Variants in NHSL2 observed in about 807,000 individuals in gnomAD.
NHSL2 encodes the protein NHS-like protein 2.
In NHSL2, 27 loss-of-function variants were observed where a neutral mutation model predicts 53.4. The observed-to-expected ratio is 0.51, with a 90% CI of 0.37 to 0.70. The LOEUF is 0.70. NHSL2 is among the 30% of genes least tolerant of loss of function. The pLI is 0.00. For synonymous variants in NHSL2, 408 were observed against 404.1 expected (o/e 1.01, Z -0.12); for missense variants, 892 against 980.1 (o/e 0.91, Z 1.20).
chrX:72,013,875 C>A (rs1479711778), intron 1 of NHSL2, among the ~76,000 whole-genome samples: 1 of 111,410 alleles, frequency 9.0e-6, no homozygotes, highest in Non-Finnish European at 1.9e-5. Flanking sequence ...TAGTTTGTTA[C>A]ACTGATTGTG....
At chrX:72,118,133 A>C (rs1175885647) in intron 1 of NHSL2, among the ~76,000 whole-genome samples, 1 of 111,606 alleles carries the variant, frequency 9.0e-6, no homozygotes, top group South Asian at 3.7e-4. Context: ...ATCCGCACCA[A>C]CATTTGTTTG....
chrX:72,113,324 G>A (rs980061829), intron 1 of NHSL2, among the ~76,000 whole-genome samples: 3 of 111,274 alleles, frequency 2.7e-5, no homozygotes, highest in Admixed American at 9.5e-5. Flanking sequence ...GCCACCTGCC[G>A]TGAGGGGTGC....
intron 1 of NHSL2, among the ~76,000 whole-genome samples, chrX:72,063,820 G>A (rs1219899601): frequency 1.8e-5 from 2 of 110,259 alleles, no homozygotes; most frequent in Non-Finnish European, 3.8e-5. Context: ...GCATTTGGGG[G>A]AATACTGTAC....
intron 1 of NHSL2, among the ~76,000 whole-genome samples, chrX:72,103,062 G>A (rs2042009428): frequency 8.9e-6 from 1 of 112,209 alleles, no homozygotes; most frequent in East Asian, 2.8e-4. Context: ...AAGGGTCCTA[G>A]GCCAGCAGAC....
At chrX:72,038,066 A>G (rs1403711075) in intron 1 of NHSL2, among the ~76,000 whole-genome samples, 1 of 112,267 alleles carries the variant, frequency 8.9e-6, no homozygotes, top group Non-Finnish European at 1.9e-5. Flanking sequence ...GGTGCAAGGT[A>G]TGAGAGTGGG....
intron 1 of NHSL2, among the ~76,000 whole-genome samples, chrX:72,066,832 A>T (rs190594855): frequency 8.9e-6 from 1 of 111,745 alleles, no homozygotes; most frequent in East Asian, 2.8e-4. Context: ...AATGATGGTT[A>T]AAAAAACTGC....
chrX:71,933,535 CA>C (rs2041723702), intron 1 of NHSL2, among the ~76,000 whole-genome samples: 1 of 111,472 alleles, frequency 9.0e-6, no homozygotes, highest in South Asian at 3.7e-4. Context: ...TAGTGAAAGA[CA>C]TAGGTTGGGG....
chrX:72,067,243 G>A (rs2042436130), intron 1 of NHSL2, among the ~76,000 whole-genome samples: 1 of 111,554 alleles, frequency 9.0e-6, no homozygotes, highest in Non-Finnish European at 1.9e-5. Context: ...GTGTGTCCAG[G>A]TTGTGATCAT....
At position 72,005,781 on chromosome X, in the gene NHSL2, T is replaced by C. The variant is rs150897278; in HGVS notation, c.280+94414T>C. On this transcript the variant is annotated intron_variant, in intron 1 of 7. Coordinates refer to ENST00000633930, the MANE Select transcript of NHSL2 (RefSeq NM_001013627.3). ...AAGCCCATAATGTAGCTGAGTTACA[T>C]GGTTCTACCAGACTGGGTTAGTGCT... Among the ~76,000 whole-genome samples the C allele has an allele frequency of 8.4e-3, 941 of 112,070 alleles. 8 individuals carry two copies. Among genetic ancestry groups the C allele is most frequent in the African/African-American group, 0.029 (894 of 30,802 alleles).
At position 72,149,293 on chromosome X, in the gene NHSL2, T is replaced by C. The variant is rs1013942758; in HGVS notation, c.*5719T>C. 2 of 111,424 alleles carry C rather than the reference T, an allele frequency of 1.8e-5. No individual in the cohort carries two copies. Among genetic ancestry groups the C allele is most frequent in the African/African-American group, 6.5e-5 (2 of 30,606 alleles). The allele number at this position is 111,424 out of a possible 1,213,427, so 9.2% of individuals were successfully genotyped here. The stretch of plus-strand genomic sequence containing the variant: ...GGTATTGCCAGCTCTTAAATACCTG[T>C]CTTTACCGTGGTGGCTGTTCTCCAG... On this transcript the variant is annotated 3_prime_UTR_variant, in exon 8 of 8. Transcript: ENST00000633930.
intron 1 of NHSL2, among the ~76,000 whole-genome samples, chrX:72,025,337 C>T (rs1286716722): frequency 2.7e-5 from 3 of 112,721 alleles, no homozygotes; most frequent in Non-Finnish European, 5.6e-5. Flanking sequence ...AAGGGGTCCA[C>T]GCCATGGCCT....
intron 1 of NHSL2, among the ~76,000 whole-genome samples, chrX:72,028,372 C>G (rs777081218): frequency 8.9e-6 from 1 of 112,247 alleles, no homozygotes; most frequent in African/African-American, 3.2e-5. Context: ...AAGGAGAGCT[C>G]GAGATTTCTG....
chrX:71,988,010 G>A (rs770479608), intron 1 of NHSL2, among the ~76,000 whole-genome samples: 1 of 112,591 alleles, frequency 8.9e-6, no homozygotes. Flanking sequence ...GTACTGCCAC[G>A]TGGTTACAAG....
At chrX:71,987,436 G>A (rs757253197) in intron 1 of NHSL2, among the ~76,000 whole-genome samples, 28 of 111,470 alleles carry the variant, frequency 2.5e-4, no homozygotes, top group Middle Eastern at 4.7e-3. Flanking sequence ...GCCTTATCTA[G>A]AATCTAATGC....
chrX:71,977,772 G>A (rs781482675), intron 1 of NHSL2, among the ~76,000 whole-genome samples: 3 of 112,004 alleles, frequency 2.7e-5, no homozygotes, highest in Non-Finnish European at 5.6e-5. Context: ...CCTTCTATTT[G>A]TAGACATTTA....
chrX:72,085,372 C>A (rs747204334), intron 1 of NHSL2, among the ~76,000 whole-genome samples: 17 of 112,438 alleles, frequency 1.5e-4, no homozygotes, highest in South Asian at 3.7e-4. Context: ...TTAACCTGCC[C>A]GGTATGCTTT....
chrX:72,086,708 A>AG (rs2041849589), intron 1 of NHSL2, among the ~76,000 whole-genome samples: 1 of 100,837 alleles, frequency 9.9e-6, no homozygotes, highest in African/African-American at 3.7e-5. Context: ...AAAAAAAAAA[A>AG]GCAAGGTAAA....
At position 71,913,567 on chromosome X, in the gene NHSL2, G is replaced by A. The variant is rs144972232; in HGVS notation, c.280+2200G>A. Among the ~76,000 whole-genome samples, 512 of 112,350 alleles carry A rather than the reference G, an allele frequency of 4.6e-3. 2 individuals carry two copies. Among genetic ancestry groups the A allele is most frequent in the African/African-American group, 0.016 (497 of 30,931 alleles). ...TCCCTTACTGACCATTTTGCTGGGG[G>A]TCAGCATTTTACCCTGCATATCCTC... On this transcript the variant is annotated intron_variant, in intron 1 of 7. Coordinates refer to ENST00000633930, the MANE Select transcript of NHSL2 (RefSeq NM_001013627.3).
intron 1 of NHSL2, among the ~76,000 whole-genome samples, chrX:72,014,744 T>C (rs1406181861): frequency 1.8e-5 from 2 of 111,245 alleles, no homozygotes; most frequent in Non-Finnish European, 3.8e-5. Context: ...GAAAAGGATG[T>C]GTACTCTTCT....
Sources: allele counts gnomAD v4.1 joint callset (sites outside exome capture counted in the v4.1 genomes callset), GRCh38; gene constraint gnomAD v4.1.1; transcripts MANE v1.5; gene names NCBI Gene and HGNC (gene_info 2026-07-23, HGNC 2026-07-21).